The following CDIN1 variants were observed in gnomAD, a reference collection of about 807,000 sequenced individuals.
CDIN1 encodes the protein CDAN1-interacting nuclease 1.
CDIN1 carries 33 observed loss-of-function variants against 45.3 expected under a neutral mutation model. The ratio of observed to expected loss-of-function variants is 0.73; its 90% CI spans 0.55 to 0.97. CDIN1 has a LOEUF of 0.97. Ranked by LOEUF, CDIN1 falls within the 50% of genes least tolerant of loss-of-function variation. CDIN1 has a pLI of 0.00. For synonymous variants in CDIN1, 118 were observed against 124.4 expected (o/e 0.95, Z 0.34); for missense variants, 303 against 339.4 (o/e 0.89, Z 0.84).
intron 5 of CDIN1, among the ~76,000 whole-genome samples, chr15:36,673,944 A>G (rs2041547195): frequency 6.6e-6 from 1 of 151,996 alleles, no homozygotes; most frequent in African/African-American, 2.4e-5. Context: ...TTTTTCCTGA[A>G]AGTAACGGAA....
chr15:36,597,795 A>G (rs1031434263), intron 1 of CDIN1, among the ~76,000 whole-genome samples: 2 of 152,134 alleles, frequency 1.3e-5, no homozygotes, highest in African/African-American at 4.8e-5. Context: ...ATTGACTGTC[A>G]GTTCTCCTGT....
chr15:36,673,406 G>GTTTTTTTTAAA (rs2041523808), intron 5 of CDIN1, among the ~76,000 whole-genome samples: 1 of 152,006 alleles, frequency 6.6e-6, no homozygotes, highest in Non-Finnish European at 1.5e-5. Flanking sequence ...TGAGTTGTGT[G>GTTTTTTTTAAA]CAAAAAAGTA....
chr15:36,787,077 A>G lies in CDIN1; in HGVS notation c.717-21247A>G, dbSNP rs2054511020. On this transcript the variant is annotated intron_variant, in intron 10 of 10. Transcript: ENST00000566621. The stretch of plus-strand genomic sequence containing the variant: ...AGGTACCTGTCTTCGCATCATTTCC[A>G]GACGTGTGTCATCAGATTCAATCTT... Among the ~76,000 whole-genome samples the G allele has an allele frequency of 2.0e-5, 3 of 152,106 alleles. No individual in the cohort carries two copies. The South Asian group carries it at 6.2e-4, about 32-fold the overall frequency.
intron 5 of CDIN1, among the ~76,000 whole-genome samples, chr15:36,667,342 A>G (rs756794799): frequency 9.2e-5 from 14 of 152,218 alleles, no homozygotes; most frequent in Non-Finnish European, 1.6e-4. Flanking sequence ...GAGCCTTAAC[A>G]TGTAAGTGCT....
chr15:36,628,274 T>G (rs2140339287), intron 1 of CDIN1, among the ~76,000 whole-genome samples: 1 of 152,288 alleles, frequency 6.6e-6, no homozygotes, highest in South Asian at 2.1e-4. Context: ...GCTCTATTTT[T>G]CCTTTTCCAG....
intron 1 of CDIN1, among the ~76,000 whole-genome samples, chr15:36,610,706 C>T (rs1198767102): frequency 6.6e-6 from 1 of 152,176 alleles, no homozygotes; most frequent in Non-Finnish European, 1.5e-5. Flanking sequence ...AAGGCTACTG[C>T]CTTAAGAAAA....
intron 7 of CDIN1, among the ~76,000 whole-genome samples, chr15:36,695,261 G>T (rs2042381549): frequency 6.6e-6 from 1 of 152,074 alleles, no homozygotes; most frequent in Non-Finnish European, 1.5e-5. Flanking sequence ...TGCAGTGCAT[G>T]ATCAGAATCA....
chr15:36,677,225 A>G (rs2041679278), intron 5 of CDIN1, among the ~76,000 whole-genome samples: 1 of 152,132 alleles, frequency 6.6e-6, no homozygotes, highest in Non-Finnish European at 1.5e-5. Context: ...TTAATCCTCC[A>G]TGTGAACCAT....
chr15:36,674,202 C>T (rs1334907928), intron 5 of CDIN1, among the ~76,000 whole-genome samples: 2 of 152,054 alleles, frequency 1.3e-5, no homozygotes, highest in Non-Finnish European at 2.9e-5. Context: ...CGCAGGACGG[C>T]GAATCCTCTG....
chr15:36,594,674 A>G (rs2037731906), intron 1 of CDIN1, among the ~76,000 whole-genome samples: 1 of 152,130 alleles, frequency 6.6e-6, no homozygotes, highest in Non-Finnish European at 1.5e-5. Context: ...CCTAATACAG[A>G]TGACCTTTGT....
intron 1 of CDIN1, among the ~76,000 whole-genome samples, chr15:36,615,682 CT>C (rs1354456505): frequency 1.3e-5 from 2 of 152,176 alleles, no homozygotes; most frequent in African/African-American, 4.8e-5. Flanking sequence ...TTGAGAGCCC[CT>C]GAAACAGCAG....
intron 10 of CDIN1, among the ~76,000 whole-genome samples, chr15:36,740,740 T>A (rs113265618): frequency 0.036 from 5,529 of 152,018 alleles, 353 homozygotes; most frequent in African/African-American, 0.13. Context: ...AATACAAAAA[T>A]CAGCCGGGCA....
chr15:36,695,536 T>C (rs1398725977), intron 7 of CDIN1, among the ~76,000 whole-genome samples: 1 of 152,126 alleles, frequency 6.6e-6, no homozygotes. Context: ...TGAACTTTAC[T>C]TTCCTTAATT....
intron 10 of CDIN1, among the ~76,000 whole-genome samples, chr15:36,767,936 A>T (rs1470057384): frequency 1.3e-5 from 2 of 152,124 alleles, no homozygotes; most frequent in Non-Finnish European, 2.9e-5. Context: ...GCCCTGAGAA[A>T]TTGGAATTAT....
chr15:36,651,678 G>C (rs1347500751), intron 3 of CDIN1, among the ~76,000 whole-genome samples: 1 of 152,080 alleles, frequency 6.6e-6, no homozygotes, highest in Admixed American at 6.6e-5. Context: ...GAGGGATCAG[G>C]GTTCTATTTC....
chr15:36,723,483 A>G (rs1450046658), intron 10 of CDIN1, among the ~76,000 whole-genome samples: 1 of 152,192 alleles, frequency 6.6e-6, no homozygotes, highest in Non-Finnish European at 1.5e-5. Flanking sequence ...ATTGAACTCA[A>G]CACTAGATTA....
chr15:36,801,592 G>A (rs924790326), intron 10 of CDIN1, among the ~76,000 whole-genome samples: 1 of 152,112 alleles, frequency 6.6e-6, no homozygotes, highest in African/African-American at 2.4e-5. Flanking sequence ...TATTCCAGCT[G>A]TTTATTTCCA....
At chr15:36,722,151 CAT>C (rs1274968198) in intron 10 of CDIN1, among the ~76,000 whole-genome samples, 1 of 152,174 alleles carries the variant, frequency 6.6e-6, no homozygotes, top group Non-Finnish European at 1.5e-5. Flanking sequence ...GATTTTAACA[CAT>C]AGTTTAACAG....
intron 1 of CDIN1, among the ~76,000 whole-genome samples, chr15:36,621,333 A>G (rs2039178046): frequency 6.6e-6 from 1 of 152,206 alleles, no homozygotes. Context: ...GGAGATACGT[A>G]TTAGCGATTA....
Sources: gnomAD v4.1 joint callset for allele counts (sites outside exome capture counted in the v4.1 genomes callset) on GRCh38, gnomAD v4.1.1 for gene constraint, MANE v1.5 for transcripts, NCBI Gene and HGNC (gene_info 2026-07-23, HGNC 2026-07-21) for gene names.